MAP4K1: variants seen among roughly 807,000 people sequenced by gnomAD.
MAP4K1 encodes the protein MAPK/ERK kinase kinase kinase 1.
In MAP4K1, 35 loss-of-function variants were observed where a neutral mutation model predicts 122.8. The ratio of observed to expected loss-of-function variants is 0.29; its 90% CI spans 0.22 to 0.38. The LOEUF is 0.38. Ranked by LOEUF, MAP4K1 falls within the 10% of genes least tolerant of loss-of-function variation. MAP4K1 has a pLI of 1.00. For missense variants in MAP4K1, 791 were observed against 1,072.6 expected (o/e 0.74, Z 3.67); for synonymous variants, 412 against 421.3 (o/e 0.98, Z 0.27).
intron 9 of MAP4K1, 46 bp downstream of exon 9, chr19:38,612,559 TGGGCCA>T (rs1975528907): frequency 6.5e-7 from 1 of 1,545,222 alleles, no homozygotes; most frequent in Non-Finnish European, 8.8e-7. Flanking sequence ...GGGTGGGCTT[TGGGCCA>T]GGGCTAGACA....
intron 19 of MAP4K1, among the ~76,000 whole-genome samples, chr19:38,602,703 C>A (rs1568630481): frequency 2.1e-5 from 3 of 145,888 alleles, no homozygotes; most frequent in East Asian, 2.0e-4. Flanking sequence ...CACACATATA[C>A]ATGTATACAT....
intron 22 of MAP4K1, among the ~76,000 whole-genome samples, 177 bp downstream of exon 22, chr19:38,599,748 C>T (rs1975004454): frequency 6.6e-6 from 1 of 152,100 alleles, no homozygotes; most frequent in African/African-American, 2.4e-5. Context: ...CCCCATTTTA[C>T]AAATGGAGAA....
chr19:38,591,970 C>CAAAA (rs34002038), intron 30 of MAP4K1, among the ~76,000 whole-genome samples: 1 of 85,028 alleles, frequency 1.2e-5, no homozygotes, highest in African/African-American at 4.0e-5. Flanking sequence ...GAATCCGTCT[C>CAAAA]AAAAAAAAAA....
At position 38,596,970 on chromosome 19, in the gene MAP4K1, CA is replaced by C; in HGVS notation, c.1941+63del. On this transcript the variant is annotated intron_variant, in intron 25 of 30. Coordinates refer to ENST00000396857, the MANE Select transcript of MAP4K1 (RefSeq NM_001042600.3). Reference sequence around the variant, plus strand: ...CTTCATGGAGCTCTTGATAGAAGCGCAAAGGGTGCAAGGCCTTAGCCACCCA... The same window carrying C: ...CTTCATGGAGCTCTTGATAGAAGCGCAAGGGTGCAAGGCCTTAGCCACCCA... The C allele has an allele frequency of 4.8e-6, 7 of 1,471,112 alleles. No homozygotes were observed. In the South Asian group the frequency reaches 6.8e-5, roughly 14 times the overall value. 91.1% of individuals were successfully genotyped at this position (1,471,112 alleles called of 1,614,324 possible).
intron 19 of MAP4K1, among the ~76,000 whole-genome samples, chr19:38,603,314 A>G (rs775562198): frequency 1.3e-5 from 2 of 151,334 alleles, no homozygotes; most frequent in Non-Finnish European, 2.9e-5. Context: ...ATACATATAT[A>G]CACATGTACA....
At chr19:38,605,380 T>G in intron 19 of MAP4K1, 29 bp downstream of exon 19, 1 of 1,324,098 alleles carries the variant, frequency 7.6e-7, no homozygotes, top group South Asian at 1.2e-5. Context: ...CGTCCAGAGG[T>G]GTAAGTCCTC....
chr19:38,593,401 C>T (rs1350927309), intron 29 of MAP4K1, 64 bp from the exon 30 acceptor site: 3 of 1,461,120 alleles, frequency 2.1e-6, no homozygotes, highest in East Asian at 2.5e-5. Flanking sequence ...ACGAACATGG[C>T]TCCCTTAAAG....
intron 11 of MAP4K1, 89 bp from the exon 12 acceptor site, chr19:38,610,114 G>A: frequency 2.2e-6 from 2 of 900,762 alleles, no homozygotes; most frequent in South Asian, 2.8e-5. Context: ...CAGGGCCTTG[G>A]GGACTGGACT....
intron 19 of MAP4K1, chr19:38,601,751 T>A (rs1975073058): frequency 3.9e-6 from 2 of 513,532 alleles, no homozygotes; most frequent in Non-Finnish European, 6.8e-6. Flanking sequence ...TTTCTTTTTT[T>A]AGTTTTTCCT....
chr19:38,612,676 G>C lies in MAP4K1; in HGVS notation c.600C>G (p.Ser200=). ...GGYNELCDIW[S]LGITAIELAE... is the part of the protein sequence containing the mutation. ...CCAGTTCGATGGCCGTGATGCCCAG[G>C]GACCAGATGTCACACAGCTCATTGT... The change falls in exon 9 of 31, where the codon TCC becomes TCG. Residue 200 remains serine (S), a synonymous_variant. Coordinates refer to ENST00000396857, the MANE Select transcript of MAP4K1 (RefSeq NM_001042600.3). The C allele has an allele frequency of 3.1e-6, 5 of 1,613,874 alleles. No individual in the cohort carries two copies. Among genetic ancestry groups the C allele is most frequent in the Non-Finnish European group, 4.2e-6 (5 of 1,179,954 alleles).
At chr19:38,604,618 G>A (rs866636668) in intron 19 of MAP4K1, among the ~76,000 whole-genome samples, 12 of 151,098 alleles carry the variant, frequency 7.9e-5, no homozygotes, top group Middle Eastern at 3.4e-3. Flanking sequence ...GTGAAACCCC[G>A]TCTCTACTAA....
intron 9 of MAP4K1, 61 bp downstream of exon 9, chr19:38,612,550 G>A: frequency 6.6e-7 from 1 of 1,518,670 alleles, no homozygotes; most frequent in Non-Finnish European, 8.9e-7. Context: ...GGAAGCTGAG[G>A]GTGGGCTTTG....
At chr19:38,588,986 G>C (rs191179895) in intron 30 of MAP4K1, among the ~76,000 whole-genome samples, 1 of 152,104 alleles carries the variant, frequency 6.6e-6, no homozygotes, top group Admixed American at 6.6e-5. Context: ...ATGAGACCAT[G>C]CTGGTATAAA....
At chr19:38,590,244 T>C (rs543321187) in intron 30 of MAP4K1, among the ~76,000 whole-genome samples, 26 of 150,608 alleles carry the variant, frequency 1.7e-4, no homozygotes, top group African/African-American at 3.7e-4. Flanking sequence ...AGGGACATTT[T>C]AGAAAACAAA....
At chr19:38,591,650 T>G (rs1484632270) in intron 30 of MAP4K1, among the ~76,000 whole-genome samples, 1 of 151,898 alleles carries the variant, frequency 6.6e-6, no homozygotes, top group Non-Finnish European at 1.5e-5. Flanking sequence ...AGTTAAAAAT[T>G]TTTAATAAGA....
At position 38,593,350 on chromosome 19, in the gene MAP4K1, AGT is replaced by A; in HGVS notation, c.2341-15_2341-14del. On this transcript the variant is annotated splice_polypyrimidine_tract_variant and intron_variant, in intron 29 of 30. Coordinates refer to ENST00000396857, the MANE Select transcript of MAP4K1 (RefSeq NM_001042600.3). The stretch of plus-strand genomic sequence containing the variant: ...GCTCCTGTAGCAGCTAGGGAAAAAA[AGT>A]GTGTGTCTCAGTGCCTGGAAGATAC... 4 of 1,604,494 alleles carry A rather than the reference AGT, an allele frequency of 2.5e-6. No homozygotes were observed. Among genetic ancestry groups the A allele is most frequent in the East Asian group, 2.2e-5 (1 of 44,452 alleles).
chr19:38,588,645 G>T (rs913293463), intron 30 of MAP4K1, among the ~76,000 whole-genome samples: 1 of 151,934 alleles, frequency 6.6e-6, no homozygotes, highest in East Asian at 1.9e-4. Flanking sequence ...CCAGCTACTC[G>T]GGAGGCTGAG....
chr19:38,592,825 G>A (rs1396190279), intron 30 of MAP4K1, among the ~76,000 whole-genome samples: 2 of 151,984 alleles, frequency 1.3e-5, no homozygotes, highest in African/African-American at 4.8e-5. Flanking sequence ...GCTGAGGCAA[G>A]AGAATCGCTT....
intron 20 of MAP4K1, 39 bp from the exon 21 acceptor site, chr19:38,600,192 C>T: frequency 6.4e-7 from 1 of 1,568,602 alleles, no homozygotes; most frequent in Non-Finnish European, 8.8e-7. Flanking sequence ...CGACTTCATC[C>T]TCAGGGACCT....
Sources: allele counts gnomAD v4.1 joint callset (sites outside exome capture counted in the v4.1 genomes callset), GRCh38; gene constraint gnomAD v4.1.1; transcripts MANE v1.5; gene names NCBI Gene and HGNC (gene_info 2026-07-23, HGNC 2026-07-21).